Variants in SUCLG2 observed in about 807,000 individuals in gnomAD.
The protein encoded by SUCLG2 is succinate-CoA ligase GDP-forming subunit beta, also known as succinate--CoA ligase [GDP-forming] subunit beta, mitochondrial.
In SUCLG2, 42 loss-of-function variants were observed where a neutral mutation model predicts 47.9. The ratio of observed to expected loss-of-function variants is 0.88; its 90% CI spans 0.69 to 1.14. The LOEUF (loss-of-function observed/expected upper bound fraction) is 1.14, where lower values mean the gene tolerates loss of function less well. SUCLG2 is among the 50% of genes most tolerant of loss of function. The probability of loss-of-function intolerance (pLI) is 0.00; values close to 1 mark genes in which losing one functional copy is unlikely to be tolerated. For missense variants in SUCLG2, 571 were observed against 525.9 expected, an observed-to-expected ratio of 1.09 and a Z score of -0.84; for synonymous variants, 195 against 197.3, an observed-to-expected ratio of 0.99 and a Z score of 0.10.
chr3:67,431,770 G>C (rs1355124885), intron 9 of SUCLG2, among the ~76,000 whole-genome samples: 1 of 151,956 alleles, frequency 6.6e-6, no homozygotes, highest in Non-Finnish European at 1.5e-5. Context: ...GATACCATTA[G>C]GAGATATACC....
intron 9 of SUCLG2, among the ~76,000 whole-genome samples, chr3:67,480,402 G>A (rs1205734263): frequency 6.6e-6 from 1 of 152,212 alleles, no homozygotes; most frequent in African/African-American, 2.4e-5. Flanking sequence ...CTGAAGGTCT[G>A]GGGTGGAGCC....
intron 9 of SUCLG2, among the ~76,000 whole-genome samples, chr3:67,475,388 T>C (rs1338797109): frequency 1.3e-5 from 2 of 152,232 alleles, no homozygotes; most frequent in African/African-American, 4.8e-5. Context: ...AAAGCTGTGC[T>C]GGTTGGAAGT....
chr3:67,372,249 G>T (rs1701965475), downstream of SUCLG2, among the ~76,000 whole-genome samples: 1 of 152,174 alleles, frequency 6.6e-6, no homozygotes, highest in South Asian at 2.1e-4. Context: ...AATTAAACAA[G>T]AATCCAAAGT....
chr3:67,362,039 C>T (rs960816650), intron 10 of SUCLG2, among the ~76,000 whole-genome samples: 4 of 152,152 alleles, frequency 2.6e-5, no homozygotes, highest in African/African-American at 9.7e-5. Flanking sequence ...AAAAATTGCC[C>T]AGTTGTGCTT....
intron 9 of SUCLG2, among the ~76,000 whole-genome samples, chr3:67,431,736 C>T (rs932664940): frequency 6.0e-5 from 4 of 66,332 alleles, no homozygotes; most frequent in African/African-American, 6.1e-5. Flanking sequence ...CGGGGCATGT[C>T]GTGGGGTGGC....
chr3:67,373,059 A>G (rs1417212278), downstream of SUCLG2, among the ~76,000 whole-genome samples: 1 of 152,150 alleles, frequency 6.6e-6, no homozygotes, highest in Non-Finnish European at 1.5e-5. Context: ...ATATGAAAGA[A>G]CATATCCTTT....
chr3:67,424,397 G>A (rs953493693), intron 9 of SUCLG2, among the ~76,000 whole-genome samples: 3 of 152,056 alleles, frequency 2.0e-5, no homozygotes, highest in East Asian at 1.9e-4. Flanking sequence ...TTCTCTGGAC[G>A]GACTCTAGTC....
intron 1 of SUCLG2, among the ~76,000 whole-genome samples, chr3:67,625,082 T>A (rs762181825): frequency 1.3e-4 from 20 of 152,354 alleles, no homozygotes; most frequent in African/African-American, 4.8e-4. Context: ...ACTCTTCTTT[T>A]AGGAACCCAT....
chr3:67,431,286 A>C (rs959995569), intron 9 of SUCLG2, among the ~76,000 whole-genome samples: 42 of 152,324 alleles, frequency 2.8e-4, no homozygotes, highest in African/African-American at 9.6e-4. Context: ...CTGGGATGCA[A>C]GGCTGGTTCA....
At chr3:67,362,533 T>C (rs1260555794) in intron 10 of SUCLG2, among the ~76,000 whole-genome samples, 1 of 152,202 alleles carries the variant, frequency 6.6e-6, no homozygotes, top group Non-Finnish European at 1.5e-5. Flanking sequence ...GTGTGTGTGA[T>C]AGTTAAGCTG....
In SUCLG2 at chr3:67,622,428, G is replaced by A. The variant is rs111779710; in HGVS notation, c.85-12832C>T. On this transcript the variant is annotated intron_variant, in intron 1 of 10. Transcript: ENST00000307227. ...GGTCAGAAGGGATCATGGATTTTCC[G>A]ATGAGACAACAACAGACTTCGATTT... Among the ~76,000 whole-genome samples the A allele has an allele frequency of 5.2e-3, 796 of 152,222 alleles. 6 individuals carry two copies. The highest frequency in any genetic ancestry group is 0.018 in the African/African-American group (760 of 41,506).
intron 9 of SUCLG2, among the ~76,000 whole-genome samples, chr3:67,420,576 G>T (rs1243114579): frequency 6.6e-6 from 1 of 152,156 alleles, no homozygotes; most frequent in Non-Finnish European, 1.5e-5. Flanking sequence ...GTAAAACTAT[G>T]TTCTTTCTCT....
At chr3:67,487,471 C>T (rs76984164) in intron 9 of SUCLG2, among the ~76,000 whole-genome samples, 5,010 of 148,236 alleles carry the variant, frequency 0.034, 144 homozygotes, top group East Asian at 0.14. Flanking sequence ...AATAAAACTG[C>T]CCATTCCCTT....
chr3:67,569,824 G>C (rs10222640), intron 2 of SUCLG2, among the ~76,000 whole-genome samples: 2,250 of 152,286 alleles, frequency 0.015, 60 homozygotes, highest in African/African-American at 0.052. Flanking sequence ...TTTGGGGGCT[G>C]TTGGGATAGG....
chr3:67,487,519 AACACAC>A (rs1245685673), intron 9 of SUCLG2, among the ~76,000 whole-genome samples: 1 of 58,394 alleles, frequency 1.7e-5, no homozygotes. Context: ...CACACACACA[AACACAC>A]ACACAGAGTC....
At chr3:67,527,449 G>A (rs1208849304) in intron 4 of SUCLG2, among the ~76,000 whole-genome samples, 1 of 152,190 alleles carries the variant, frequency 6.6e-6, no homozygotes, top group African/African-American at 2.4e-5. Flanking sequence ...CTGCAACCCA[G>A]GTAGCTAGTT....
At chr3:67,377,644 G>A (rs954826129) in intron 10 of SUCLG2, among the ~76,000 whole-genome samples, 1 of 152,102 alleles carries the variant, frequency 6.6e-6, no homozygotes, top group African/African-American at 2.4e-5. Context: ...TTTGGTTCTG[G>A]TTGTGTTTTG....
intron 9 of SUCLG2, among the ~76,000 whole-genome samples, chr3:67,466,815 A>G (rs1201990971): frequency 3.9e-5 from 6 of 152,230 alleles, no homozygotes; most frequent in Non-Finnish European, 8.8e-5. Context: ...TACTATCAGG[A>G]AACGTATGGA....
intron 10 of SUCLG2, among the ~76,000 whole-genome samples, chr3:67,396,836 T>G (rs1281309491): frequency 3.3e-5 from 5 of 152,130 alleles, no homozygotes; most frequent in Admixed American, 1.3e-4. Context: ...GATCAAGTGG[T>G]CTTCATCACT....
Sources: allele counts gnomAD v4.1 joint callset (sites outside exome capture counted in the v4.1 genomes callset), GRCh38; gene constraint gnomAD v4.1.1; transcripts MANE v1.5; gene names NCBI Gene and HGNC (gene_info 2026-07-23, HGNC 2026-07-21).